GSN: variants seen among roughly 807,000 people sequenced by gnomAD.
The protein encoded by GSN is gelsolin, also known as actin-depolymerizing factor.
In GSN, 56 loss-of-function variants were observed where a neutral mutation model predicts 85.7. That is an observed-to-expected ratio of 0.65 (90% CI 0.53 to 0.82). The LOEUF is 0.82. Among genes scored for constraint, GSN ranks in the 40% least tolerant of loss-of-function variants. GSN has a pLI of 0.00. For missense variants in GSN, 857 were observed against 979.8 expected, an observed-to-expected ratio of 0.87 and a Z score of 1.67; for synonymous variants, 373 against 399.1, an observed-to-expected ratio of 0.93 and a Z score of 0.78.
At chr9:121,249,665 T>C (rs930927968) in intron 6 of GSN, among the ~76,000 whole-genome samples, 3 of 152,198 alleles carry the variant, frequency 2.0e-5, no homozygotes, top group African/African-American at 7.2e-5. Flanking sequence ...AATATTTTTT[T>C]CCACTTCCTG....
intron 12 of GSN, 40 bp from the exon 13 acceptor site, chr9:121,326,471 GC>G: frequency 8.3e-6 from 13 of 1,562,422 alleles, no homozygotes; most frequent in Non-Finnish European, 1.1e-5. Flanking sequence ...ACTGAAGCCT[GC>G]CCCCAAGGTC....
rs1013364079 is a variant in GSN, at chr9:121,323,706, C to A, written c.1326-848C>A. On this transcript the variant is annotated intron_variant, in intron 11 of 17. Transcript: ENST00000432226. Reference sequence around the variant, plus strand: ...TCTTTTCCTGATCTAGGATCTAACCCAGGATCCCACATGGCATTTACTCAT... The same window carrying A: ...TCTTTTCCTGATCTAGGATCTAACCAAGGATCCCACATGGCATTTACTCAT... Among the ~76,000 whole-genome samples, 23 of 152,130 alleles carry A rather than the reference C, an allele frequency of 1.5e-4. 1 individual carries two copies. Among genetic ancestry groups the A allele is most frequent in the African/African-American group, 4.3e-4 (18 of 41,418 alleles).
At chr9:121,239,117 G>A (rs11788238) in intron 5 of GSN, 4 of 355,882 alleles carry the variant, frequency 1.1e-5, no homozygotes, top group Non-Finnish European at 1.7e-5. Context: ...CCTTCTCCTC[G>A]ACCTGCATGT....
At chr9:121,321,224 G>GT in intron 10 of GSN, 44 bp from the exon 11 acceptor site, 2 of 1,609,974 alleles carry the variant, frequency 1.2e-6, no homozygotes, top group Non-Finnish European at 1.7e-6. Flanking sequence ...GAGCTGGGGG[G>GT]TGGGGGTGCT....
intron 11 of GSN, among the ~76,000 whole-genome samples, chr9:121,323,696 G>C (rs894471017): frequency 1.1e-4 from 17 of 152,110 alleles, no homozygotes; most frequent in African/African-American, 3.9e-4. Context: ...TCCTGATCTA[G>C]GATCTAACCC....
In GSN at chr9:121,324,634, CCCCTGTCCAGGTGAG is replaced by C; in HGVS notation, c.1410_1416+8del. ...CAGCTGGATGAGGAGCTGGGAGGTA[CCCCTGTCCAGGTGAG>C]CCCAGCCCACCGCCTCTCTGGGCTG... On this transcript the variant is annotated splice_donor_variant and splice_donor_5th_base_variant and coding_sequence_variant and intron_variant, in exon 12 of 18. Transcript: ENST00000432226. LOFTEE classifies it high-confidence loss of function. The C allele has an allele frequency of 1.3e-6, 2 of 1,528,522 alleles. No individual in the cohort carries two copies. Among genetic ancestry groups the C allele is most frequent in the South Asian group, 2.4e-5 (2 of 83,616 alleles). The allele number at this position is 1,528,522 out of a possible 1,614,324, so 94.7% of individuals were successfully genotyped here. A position where few individuals can be genotyped will look rare whatever the true frequency, so the allele number is the denominator to read the frequency against.
intron 4 of GSN, among the ~76,000 whole-genome samples, chr9:121,303,915 A>AG (rs1251606029): frequency 6.6e-6 from 1 of 152,194 alleles, no homozygotes; most frequent in Non-Finnish European, 1.5e-5. Flanking sequence ...CCAGGGGAGA[A>AG]GGGGAACTGA....
At position 121,324,577 on chromosome 9, in the gene GSN, A is replaced by T; in HGVS notation, c.1349A>T (p.Asp450Val). The T allele has an allele frequency of 1.9e-6, 3 of 1,543,914 alleles. No homozygotes were observed. The highest frequency in any genetic ancestry group is 2.6e-6 in the Non-Finnish European group (3 of 1,141,510). Residue 450 changes from aspartate to valine, a missense_variant, in exon 12 of 18, where the codon GAT (aspartate) becomes GTT (valine). Coordinates refer to ENST00000432226, the MANE Select transcript of GSN (RefSeq NM_198252.3). Reference sequence around the variant, plus strand: ...AGGCAGGGTGCCCAGTCTACCCAGGATGAGGTCGCTGCATCTGCCATCCTG... The same window carrying T: ...AGGCAGGGTGCCCAGTCTACCCAGGTTGAGGTCGCTGCATCTGCCATCCTG... The part of the protein sequence containing the change: ...YNWQGAQSTQ[D>V]EVAASAILTA...
At chr9:121,294,259 G>A (rs779441842) in intron 2 of GSN, among the ~76,000 whole-genome samples, 6 of 152,174 alleles carry the variant, frequency 3.9e-5, no homozygotes, top group Non-Finnish European at 5.9e-5. Flanking sequence ...CTGTCTTGTT[G>A]TGGATTTGCG....
intron 2 of GSN, among the ~76,000 whole-genome samples, chr9:121,293,220 G>A (rs1450525498): frequency 6.6e-6 from 1 of 152,148 alleles, no homozygotes; most frequent in Non-Finnish European, 1.5e-5. Context: ...GGCAGGAGGG[G>A]ACCCTGGCCA....
At chr9:121,229,713 G>A (rs1183619513) in intron 4 of GSN, among the ~76,000 whole-genome samples, 1 of 152,210 alleles carries the variant, frequency 6.6e-6, no homozygotes, top group African/African-American at 2.4e-5. Flanking sequence ...GTTGGTTAAA[G>A]TGGTGGTTAT....
chr9:121,300,004 G>A (rs771227467), intron 2 of GSN: 5 of 1,459,496 alleles, frequency 3.4e-6, no homozygotes, highest in South Asian at 1.5e-5. Flanking sequence ...CCCGAGGCGC[G>A]GGTGAGTGCC....
intron 4 of GSN, chr9:121,309,249 G>T: frequency 6.6e-6 from 1 of 152,430 alleles, no homozygotes; most frequent in Non-Finnish European, 1.5e-5. Flanking sequence ...GCTGGGGACT[G>T]CTCACAGGAA....
At chr9:121,262,694 G>A (rs2055112715) in intron 6 of GSN, among the ~76,000 whole-genome samples, 1 of 152,204 alleles carries the variant, frequency 6.6e-6, no homozygotes, top group African/African-American at 2.4e-5. Context: ...ATAGCTGCTA[G>A]GAATCCAAGT....
chr9:121,316,338 A>G (rs1236101761), intron 7 of GSN, among the ~76,000 whole-genome samples: 2 of 152,246 alleles, frequency 1.3e-5, no homozygotes, highest in Non-Finnish European at 2.9e-5. Flanking sequence ...CTAAGAAATT[A>G]ACATTGCTTC....
chr9:121,303,027 A>C lies in GSN; in HGVS notation c.313A>C (p.Thr105Pro), dbSNP rs1482856276. The change falls in exon 4 of 18, where the codon ACC becomes CCC. Residue 105 changes from threonine (T) to proline (P), a missense_variant. Coordinates refer to ENST00000432226, the MANE Select transcript of GSN (RefSeq NM_198252.3). ...TGAGGTCCAGGGCTTCGAGTCGGCC[A>C]CCTTCCTAGGCTACTTCAAGTCTGG... ...HREVQGFESA[T>P]FLGYFKSGLK... 8 of 1,613,780 alleles carry C rather than the reference A, an allele frequency of 5.0e-6. No homozygotes were observed. Among genetic ancestry groups the C allele is most frequent in the Non-Finnish European group, 6.8e-6 (8 of 1,179,976 alleles).
At chr9:121,307,340 A>C (rs1342585915) in intron 4 of GSN, among the ~76,000 whole-genome samples, 2 of 152,186 alleles carry the variant, frequency 1.3e-5, no homozygotes, top group East Asian at 3.8e-4. Context: ...GAGGGGTAAA[A>C]ATTTTTTCTT....
At chr9:121,310,215 A>G (rs1241863343) in intron 4 of GSN, 6 of 253,850 alleles carry the variant, frequency 2.4e-5, no homozygotes, top group East Asian at 9.9e-5. Context: ...CGCGTTGTAT[A>G]ACAGTCAGGG....
chr9:121,306,236 G>GGTTCC (rs2060404906), intron 4 of GSN, among the ~76,000 whole-genome samples: 1 of 152,230 alleles, frequency 6.6e-6, no homozygotes, highest in African/African-American at 2.4e-5. Flanking sequence ...GGAACCCATA[G>GGTTCC]AATCACTGGA....
Sources: gnomAD v4.1 joint callset for allele counts (sites outside exome capture counted in the v4.1 genomes callset) on GRCh38, gnomAD v4.1.1 for gene constraint, MANE v1.5 for transcripts, NCBI Gene and HGNC (gene_info 2026-07-23, HGNC 2026-07-21) for gene names.